The following EFTUD2 variants were observed in gnomAD, a reference collection of about 807,000 sequenced individuals.
EFTUD2 encodes the protein elongation factor Tu GTP binding domain containing 2.
A neutral mutation model predicts 114.3 loss-of-function variants in EFTUD2; 9 were observed. The observed-to-expected ratio is 0.08, with a 90% confidence interval of 0.05 to 0.14. The LOEUF is 0.14. EFTUD2 is among the 10% of genes least tolerant of loss of function. The probability of loss-of-function intolerance (pLI) is 1.00; values close to 1 mark genes in which losing one functional copy is unlikely to be tolerated. For missense variants in EFTUD2, 765 were observed against 1,241.2 expected, an observed-to-expected ratio of 0.62 and a Z score of 5.76; for synonymous variants, 449 against 462.3, an observed-to-expected ratio of 0.97 and a Z score of 0.37.
intron 3 of EFTUD2, among the ~76,000 whole-genome samples, chr17:44,885,927 C>A (rs1839584386): frequency 6.6e-6 from 1 of 152,080 alleles, no homozygotes; most frequent in African/African-American, 2.4e-5. Context: ...CCGCTTCCAG[C>A]CTATGAAAAC....
At chr17:44,881,070 T>C (rs935253523) in intron 7 of EFTUD2, among the ~76,000 whole-genome samples, 11 of 152,228 alleles carry the variant, frequency 7.2e-5, no homozygotes, top group Non-Finnish European at 1.3e-4. Flanking sequence ...AACAAATACA[T>C]AAATACATTA....
At chr17:44,868,441 C>T (rs1375793361) in intron 11 of EFTUD2, 91 bp from the exon 12 acceptor site, 1 of 1,229,604 alleles carries the variant, frequency 8.1e-7, no homozygotes, top group Non-Finnish European at 1.2e-6. Flanking sequence ...TAGCTGAGAA[C>T]TTCTAGCACT....
intron 20 of EFTUD2, among the ~76,000 whole-genome samples, chr17:44,856,726 C>T (rs2050560978): frequency 6.7e-6 from 1 of 148,226 alleles, no homozygotes; most frequent in South Asian, 2.1e-4. Context: ...TTGCTTAAGC[C>T]CAGAAAGTTG....
intron 1 of EFTUD2, among the ~76,000 whole-genome samples, chr17:44,897,250 T>G (rs2051406140): frequency 6.7e-6 from 1 of 149,392 alleles, no homozygotes; most frequent in Non-Finnish European, 1.5e-5. Context: ...TTTACCAGAG[T>G]CCTAGGCTCA....
At chr17:44,894,562 G>T (rs1389770751) in intron 1 of EFTUD2, 37 bp from the exon 2 acceptor site, 4 of 1,515,876 alleles carry the variant, frequency 2.6e-6, no homozygotes, top group Non-Finnish European at 3.7e-6. Context: ...ATTCTGACAA[G>T]GTAATCAAGG....
At chr17:44,881,764 G>T (rs1295102983) in intron 6 of EFTUD2, 42 bp from the exon 7 acceptor site, 1 of 1,595,230 alleles carries the variant, frequency 6.3e-7, no homozygotes, top group South Asian at 1.1e-5. Flanking sequence ...AGTTGAGACT[G>T]CTCTCCCACA....
At chr17:44,863,549 G>A (rs2050694239) in intron 15 of EFTUD2, 106 bp downstream of exon 15, 1 of 1,487,436 alleles carries the variant, frequency 6.7e-7, no homozygotes, top group African/African-American at 1.4e-5. Flanking sequence ...TGGGGATGGG[G>A]AGGCAAGGGT....
chr17:44,867,904 G>C lies in EFTUD2; in HGVS notation c.1059-7C>G, dbSNP rs1459286123. On this transcript the variant is annotated splice_region_variant and splice_polypyrimidine_tract_variant and intron_variant, in intron 12 of 27. Transcript: ENST00000426333. The stretch of plus-strand genomic sequence containing the variant: ...CTTTTTGGTGAACTTTCGCCTAAAA[G>C]GAAAAATAAGTTCTGAGTGACCCAG... 4 of 1,583,256 alleles carry C rather than the reference G, an allele frequency of 2.5e-6. No individual in the cohort carries two copies. Among genetic ancestry groups the C allele is most frequent in the Admixed American group, 3.6e-5 (2 of 55,024 alleles).
chr17:44,859,725 T>C lies in EFTUD2; in HGVS notation c.1860+180A>G, dbSNP rs936624081. 57 of 935,258 alleles carry C rather than the reference T, an allele frequency of 6.1e-5. No homozygotes were observed. The African/African-American group carries it at 6.2e-4, about 10-fold the overall frequency. 57.9% of individuals were successfully genotyped at this position (935,258 alleles called of 1,614,324 possible). The stretch of plus-strand genomic sequence containing the variant: ...CAGGTCTTGTTTTAACACACACACA[T>C]ACACACACACACGTGTCTTGTCCTG... On this transcript the variant is annotated intron_variant, in intron 18 of 27. Transcript: ENST00000426333.
intron 13 of EFTUD2, among the ~76,000 whole-genome samples, chr17:44,866,710 C>T (rs975695528): frequency 9.9e-5 from 15 of 152,118 alleles, no homozygotes; most frequent in African/African-American, 3.6e-4. Context: ...CAAAGCGGTT[C>T]ATTTTATGGG....
chr17:44,888,662 G>A (rs574971435), intron 2 of EFTUD2, among the ~76,000 whole-genome samples: 6 of 152,270 alleles, frequency 3.9e-5, no homozygotes, highest in African/African-American at 1.4e-4. Flanking sequence ...GTTTTCTAAT[G>A]AATTGAAAGG....
chr17:44,883,793 T>A, intron 4 of EFTUD2, 69 bp from the exon 5 acceptor site: 1 of 1,518,740 alleles, frequency 6.6e-7, no homozygotes, highest in Non-Finnish European at 9.1e-7. Flanking sequence ...GGTGTAAAGG[T>A]GTTTCAGGTA....
chr17:44,886,479 A>G, intron 3 of EFTUD2, 106 bp downstream of exon 3: 1 of 1,524,210 alleles, frequency 6.6e-7, no homozygotes, highest in Admixed American at 2.1e-5. Context: ...GAAGGTAGTA[A>G]AGAAAAACTG....
chr17:44,867,716 G>A, intron 13 of EFTUD2, 91 bp downstream of exon 13: 1 of 1,182,068 alleles, frequency 8.5e-7, no homozygotes, highest in Non-Finnish European at 1.1e-6. Context: ...AAACTGAGCA[G>A]GTTTAGGGAC....
Position 44,854,863 on chromosome 17 carries a change from T to C in EFTUD2, c.2132+55A>G, listed in dbSNP as rs752451748. On this transcript the variant is annotated intron_variant, in intron 21 of 27. Transcript: ENST00000426333. This position sits in a 1 kb window ranked among gnomAD's most constrained non-coding sequence, Gnocchi z 4.3. ...TGTGTGCTCTTAGAGACCCGGCAGT[T>C]AAACTGTGGCATCCCTGCCTCCTTT... 5.0e-6 allele frequency: 8 copies of C among 1,587,048 alleles called. No homozygotes were observed. The highest frequency in any genetic ancestry group is 6.1e-6 in the Non-Finnish European group (7 of 1,155,972).
chr17:44,883,444 T>C, intron 5 of EFTUD2: 2 of 616,156 alleles, frequency 3.2e-6, no homozygotes, highest in African/African-American at 1.8e-5. Context: ...GGCTCAGGCA[T>C]GCAAGTGGCT....
chr17:44,883,072 C>G, intron 6 of EFTUD2, 21 bp downstream of exon 6: 1 of 1,613,582 alleles, frequency 6.2e-7, no homozygotes, highest in Non-Finnish European at 8.5e-7. Context: ...ATCCTAAACC[C>G]TCAACAGAAG....
At chr17:44,879,795 A>G in intron 8 of EFTUD2, among the ~76,000 whole-genome samples, 157 bp from the exon 9 acceptor site, 1 of 151,924 alleles carries the variant, frequency 6.6e-6, no homozygotes, top group East Asian at 1.9e-4. Flanking sequence ...ATCCCCCATT[A>G]GTGTCATATC....
chr17:44,863,879 G>A lies in EFTUD2; in HGVS notation c.1286-97C>T. The A allele has an allele frequency of 2.0e-6, 3 of 1,499,726 alleles. No individual in the cohort carries two copies. The South Asian group carries it at 3.8e-5, about 19-fold the overall frequency. The allele number at this position is 1,499,726 out of a possible 1,614,324, so 92.9% of individuals were successfully genotyped here. ...TCACAATGGTCAAAAAGCTCAAAGT[G>A]CGGGGACTGATTGTTAGCTCTAAAA... On this transcript the variant is annotated intron_variant, in intron 14 of 27. Transcript: ENST00000426333.
Sources: allele counts gnomAD v4.1 joint callset (sites outside exome capture counted in the v4.1 genomes callset), GRCh38; gene constraint gnomAD v4.1.1; non-coding constraint Gnocchi (gnomAD v3.1); transcripts MANE v1.5; gene names NCBI Gene and HGNC (gene_info 2026-07-23, HGNC 2026-07-21).